The following LONRF1 variants were observed in gnomAD, a reference collection of about 807,000 sequenced individuals.
LONRF1 encodes the protein LON peptidase N-terminal domain and ring finger 1, also known as LON peptidase N-terminal domain and RING finger protein 1.
Under a neutral mutation model 85.8 loss-of-function variants are expected in LONRF1, and 37 were observed. The observed-to-expected ratio is 0.43, with a 90% CI of 0.33 to 0.57. The LOEUF (loss-of-function observed/expected upper bound fraction) is 0.57. LONRF1 is among the 20% of genes least tolerant of loss of function. LONRF1 has a pLI of 0.04. For missense variants in LONRF1, 1,036 were observed against 978.0 expected (o/e 1.06, Z -0.79); for synonymous variants, 517 against 390.1 (o/e 1.33, Z -3.83).
At chr8:12,751,250 T>C (rs541238939) in intron 1 of LONRF1, among the ~76,000 whole-genome samples, 1 of 151,602 alleles carries the variant, frequency 6.6e-6, no homozygotes, top group Admixed American at 6.6e-5. Context: ...ATATAAATAA[T>C]GTAAAAATAC....
At chr8:12,736,432 C>T (rs914956682) in intron 6 of LONRF1, among the ~76,000 whole-genome samples, 2 of 152,038 alleles carry the variant, frequency 1.3e-5, no homozygotes, top group Admixed American at 6.6e-5. Flanking sequence ...TCCCAGATTC[C>T]TTTTATACTG....
intron 1 of LONRF1, 84 bp from the exon 2 acceptor site, chr8:12,743,366 A>C (rs1201976262): frequency 1.1e-6 from 1 of 885,926 alleles, no homozygotes; most frequent in Non-Finnish European, 1.8e-6. Flanking sequence ...CAGATTAAGA[A>C]ATGACTTAGT....
intron 11 of LONRF1, among the ~76,000 whole-genome samples, 163 bp downstream of exon 11, chr8:12,725,564 T>A (rs1798264276): frequency 6.6e-6 from 1 of 152,124 alleles, no homozygotes; most frequent in Non-Finnish European, 1.5e-5. Context: ...AGACCACTGC[T>A]CTAGAGAACT....
chr8:12,755,523 G>T lies in LONRF1; in HGVS notation c.-103C>A. On this transcript the variant is annotated 5_prime_UTR_variant, in exon 1 of 12. Coordinates refer to ENST00000398246, the MANE Select transcript of LONRF1 (RefSeq NM_152271.5). ...CCGCGAGCAGGGGGGCGTGGCGCGC[G>T]GACACGGCGGGGCTGCGCGCGCCCG... The T allele has an allele frequency of 4.2e-6, 2 of 472,752 alleles. No individual in the cohort carries two copies. Among genetic ancestry groups the T allele is most frequent in the Non-Finnish European group, 5.5e-6 (2 of 364,268 alleles). The allele number at this position is 472,752 out of a possible 1,614,324, so 29.3% of individuals were successfully genotyped here. A position where few individuals can be genotyped will look rare whatever the true frequency, so the allele number is the denominator to read the frequency against.
At chr8:12,739,034 A>T (rs1053646675) in intron 3 of LONRF1, among the ~76,000 whole-genome samples, 2 of 152,186 alleles carry the variant, frequency 1.3e-5, no homozygotes, top group Non-Finnish European at 1.5e-5. Flanking sequence ...ATAAGCAAAC[A>T]TTTAAAAATC....
At chr8:12,754,572 A>C in intron 1 of LONRF1, 128 bp downstream of exon 1, 1 of 1,086,068 alleles carries the variant, frequency 9.2e-7, no homozygotes, top group Non-Finnish European at 1.2e-6. Context: ...GAGACCCGAC[A>C]CGCCAGCGGC....
rs1346750306 is a variant in LONRF1, at chr8:12,735,270, A to C, written c.1566+16T>G. On this transcript the variant is annotated intron_variant, in intron 7 of 11. Coordinates refer to ENST00000398246, the MANE Select transcript of LONRF1 (RefSeq NM_152271.5). ...AAACTTAAGACCAACAAACAGACAC[A>C]TATACAAATATTTACCTCTTTTAAG... 1.3e-6 allele frequency: 2 copies of C among 1,526,544 alleles called. No homozygotes were observed. The highest frequency in any genetic ancestry group is 4.6e-5 in the East Asian group (2 of 43,324). The allele number at this position is 1,526,544 out of a possible 1,614,324, so 94.6% of individuals were successfully genotyped here.
chr8:12,733,982 T>G (rs1798625623), intron 7 of LONRF1, among the ~76,000 whole-genome samples: 1 of 152,196 alleles, frequency 6.6e-6, no homozygotes, highest in Non-Finnish European at 1.5e-5. Flanking sequence ...TCCAGACATT[T>G]TTTAAAGAGG....
chr8:12,752,975 T>C (rs1799469905), intron 1 of LONRF1: 1 of 152,266 alleles, frequency 6.6e-6, no homozygotes, highest in African/African-American at 2.4e-5. Context: ...AGTGTGACGG[T>C]GTGCAAGTCT....
intron 7 of LONRF1, among the ~76,000 whole-genome samples, chr8:12,733,601 CATA>C (rs956810641): frequency 1.3e-5 from 2 of 151,156 alleles, no homozygotes; most frequent in African/African-American, 4.9e-5. Flanking sequence ...TAATATCTGT[CATA>C]ATATCTTCGA....
chr8:12,743,112 C>A, intron 2 of LONRF1, 52 bp downstream of exon 2: 4 of 1,138,568 alleles, frequency 3.5e-6, no homozygotes, highest in South Asian at 1.2e-5. Flanking sequence ...GAATGCATGT[C>A]CCTTATAGTT....
At position 12,737,988 on chromosome 8, in the gene LONRF1, C is replaced by G; in HGVS notation, c.1113+7G>C. 2 of 1,599,390 alleles carry G rather than the reference C, an allele frequency of 1.3e-6. No individual in the cohort carries two copies. ...TAAACTCATGATAACCTTGTCTCAC[C>G]CCGTACCTGCTTTGGGCTAGGTTCA... On this transcript the variant is annotated splice_region_variant and intron_variant, in intron 4 of 11. Coordinates refer to ENST00000398246, the MANE Select transcript of LONRF1 (RefSeq NM_152271.5).
In LONRF1 at chr8:12,722,871, A is replaced by T. The variant is rs1235606148; in HGVS notation, c.*225T>A. 2 of 452,848 alleles carry T rather than the reference A, an allele frequency of 4.4e-6. No individual in the cohort carries two copies. The highest frequency in any genetic ancestry group is 8.0e-6 in the Non-Finnish European group (2 of 251,308). 28.1% of individuals were successfully genotyped at this position (452,848 alleles called of 1,614,324 possible). On this transcript the variant is annotated 3_prime_UTR_variant, in exon 12 of 12. Coordinates refer to ENST00000398246, the MANE Select transcript of LONRF1 (RefSeq NM_152271.5). ...TACATAGTGCAACTTCACAATGTAG[A>T]GGTTCGACACACATTCAATGCGTGT...
intron 9 of LONRF1, 28 bp downstream of exon 9, chr8:12,729,146 C>T (rs374534355): frequency 4.5e-5 from 72 of 1,611,998 alleles, no homozygotes; most frequent in Non-Finnish European, 6.0e-5. Flanking sequence ...AACATAAATA[C>T]AAATATTTAG....
At chr8:12,753,587 G>C (rs952761025) in intron 1 of LONRF1, 1 of 152,198 alleles carries the variant, frequency 6.6e-6, no homozygotes, top group African/African-American at 2.4e-5. Flanking sequence ...CCCACAAGAG[G>C]TGGCAACCAA....
intron 8 of LONRF1, among the ~76,000 whole-genome samples, chr8:12,730,174 A>T (rs769907796): frequency 6.6e-6 from 1 of 152,234 alleles, no homozygotes; most frequent in Non-Finnish European, 1.5e-5. Context: ...CATCCATAAA[A>T]CGGAATACTA....
chr8:12,726,327 G>C (rs1002125835), intron 10 of LONRF1, among the ~76,000 whole-genome samples: 8 of 151,058 alleles, frequency 5.3e-5, no homozygotes, highest in Non-Finnish European at 1.0e-4. Context: ...GTAGTAACAG[G>C]AGGAGTCCAG....
intron 1 of LONRF1, among the ~76,000 whole-genome samples, chr8:12,745,623 G>A (rs760980909): frequency 9.2e-5 from 14 of 152,176 alleles, no homozygotes; most frequent in Admixed American, 2.0e-4. Context: ...CACTGCACAC[G>A]CCATCAGGGA....
intron 6 of LONRF1, among the ~76,000 whole-genome samples, chr8:12,735,895 G>T (rs1798698857): frequency 1.3e-5 from 2 of 152,038 alleles, no homozygotes; most frequent in Admixed American, 1.3e-4. Context: ...TAAAAAGAAT[G>T]ACCTAATAAA....
Sources: allele counts gnomAD v4.1 joint callset (sites outside exome capture counted in the v4.1 genomes callset), GRCh38; gene constraint gnomAD v4.1.1; transcripts MANE v1.5; gene names NCBI Gene and HGNC (gene_info 2026-07-23, HGNC 2026-07-21).